Variants in CALN1 observed in about 807,000 individuals in gnomAD.
CALN1 encodes the protein calneuron 1.
A neutral mutation model predicts 30.6 loss-of-function variants in CALN1; 17 were observed. That is an observed-to-expected ratio of 0.56 (90% CI 0.38 to 0.83). CALN1 has a LOEUF of 0.83. Among genes scored for constraint, CALN1 ranks in the 40% least tolerant of loss-of-function variants. CALN1 has a pLI of 0.00. For synonymous variants in CALN1, 156 were observed against 131.4 expected, an observed-to-expected ratio of 1.19 and a Z score of -1.28; for missense variants, 291 against 354.9, an observed-to-expected ratio of 0.82 and a Z score of 1.45.
At chr7:72,173,698 T>C (rs1585091116) in intron 3 of CALN1, among the ~76,000 whole-genome samples, 1 of 152,294 alleles carries the variant, frequency 6.6e-6, no homozygotes, top group East Asian at 1.9e-4. Context: ...GTTTTGTTTG[T>C]TTGTTTTTAA....
At chr7:72,287,215 C>T (rs932568341) in intron 2 of CALN1, among the ~76,000 whole-genome samples, 1 of 152,078 alleles carries the variant, frequency 6.6e-6, no homozygotes, top group Non-Finnish European at 1.5e-5. Flanking sequence ...TCTTTCACTT[C>T]CCTCCCTCCA....
chr7:72,308,054 A>C (rs781225298), intron 2 of CALN1, among the ~76,000 whole-genome samples: 2 of 152,148 alleles, frequency 1.3e-5, no homozygotes, highest in African/African-American at 2.4e-5. Flanking sequence ...ATGTGTAATA[A>C]ACAAAACGAC....
intron 2 of CALN1, among the ~76,000 whole-genome samples, chr7:72,326,670 A>G (rs1343845847): frequency 6.6e-6 from 1 of 152,252 alleles, no homozygotes; most frequent in Non-Finnish European, 1.5e-5. Flanking sequence ...CAAACAGATT[A>G]CAATTTGCAG....
Position 71,789,485 on chromosome 7 carries a change from G to A in CALN1, c.659-1583C>T, listed in dbSNP as rs79669531. Among the ~76,000 whole-genome samples the A allele has an allele frequency of 3.4e-3, 510 of 152,184 alleles. 4 individuals carry two copies. Among genetic ancestry groups the A allele is most frequent in the African/African-American group, 0.012 (484 of 41,536 alleles). On this transcript the variant is annotated intron_variant, in intron 6 of 6. Coordinates refer to ENST00000395275, the MANE Select transcript of CALN1 (RefSeq NM_031468.4). ...CTGCATCAGAGGCTCTGGGAGTGGG[G>A]GTCCCCATCTGTGTTTAACAAGCCC...
chr7:72,363,907 G>T (rs1803717611), intron 2 of CALN1, among the ~76,000 whole-genome samples: 1 of 151,426 alleles, frequency 6.6e-6, no homozygotes, highest in East Asian at 2.0e-4. Context: ...GCTAATTTTT[G>T]TATTTTCAGT....
chr7:72,054,548 T>TATATATATAC lies in CALN1; in HGVS notation c.389-30780_389-30779insGTATATATAT, dbSNP rs1803123579. 1.3e-4 allele frequency among the ~76,000 whole-genome samples: 18 copies of TATATATATAC among 134,228 alleles called. No homozygotes were observed. The South Asian group carries it at 2.6e-3, about 19-fold the overall frequency. The allele number at this position is 134,228 out of a possible 152,430, so 88.1% of individuals were successfully genotyped here. A position where few individuals can be genotyped will look rare whatever the true frequency, so the allele number is the denominator to read the frequency against. ...ATATACATACATATATATATACATA[T>TATATATATAC]ATATATATATATAATGGAATACTAT... On this transcript the variant is annotated intron_variant, in intron 4 of 6. Coordinates refer to ENST00000395275, the MANE Select transcript of CALN1 (RefSeq NM_031468.4).
chr7:71,895,147 GT>G, intron 5 of CALN1, among the ~76,000 whole-genome samples: 1 of 152,158 alleles, frequency 6.6e-6, no homozygotes, highest in African/African-American at 2.4e-5. Flanking sequence ...TACAGACGAG[GT>G]TTTCCTATGT....
the CALN1 span, among the ~76,000 whole-genome samples, chr7:72,455,476 T>C: frequency 6.6e-6 from 1 of 151,868 alleles, no homozygotes; most frequent in South Asian, 2.1e-4. Flanking sequence ...TCATACCCCA[T>C]AGCCTATGAC....
At chr7:72,194,830 T>C (rs1790878185) in intron 3 of CALN1, among the ~76,000 whole-genome samples, 1 of 152,000 alleles carries the variant, frequency 6.6e-6, no homozygotes, top group Non-Finnish European at 1.5e-5. Context: ...GACCTCATGA[T>C]CCATCTGTCT....
chr7:72,442,522 T>C (rs1808380948), intron 1 of CALN1, among the ~76,000 whole-genome samples: 1 of 152,196 alleles, frequency 6.6e-6, no homozygotes, highest in South Asian at 2.1e-4. Context: ...GATTGCACTT[T>C]ATGTAGGGTT....
At chr7:72,091,881 C>T (rs1805889062) in intron 4 of CALN1, among the ~76,000 whole-genome samples, 3 of 152,162 alleles carry the variant, frequency 2.0e-5, no homozygotes, top group Admixed American at 2.0e-4. Context: ...TGGTGTACGG[C>T]CAAATATAAC....
the CALN1 span, among the ~76,000 whole-genome samples, chr7:72,488,758 A>C: frequency 1.3e-5 from 2 of 151,960 alleles, no homozygotes; most frequent in African/African-American, 4.8e-5. Flanking sequence ...ATCATAACTC[A>C]CTGCAGCTTT....
chr7:72,229,933 G>T (rs1386715900), intron 3 of CALN1, among the ~76,000 whole-genome samples: 1 of 151,908 alleles, frequency 6.6e-6, no homozygotes, highest in African/African-American at 2.4e-5. Context: ...ATGAGGTCAG[G>T]AGATCGAGAC....
chr7:72,353,636 T>C (rs1215060899), intron 2 of CALN1, among the ~76,000 whole-genome samples: 1 of 152,142 alleles, frequency 6.6e-6, no homozygotes, highest in East Asian at 1.9e-4. Context: ...GGTTAAAAAC[T>C]GAATGCTTTC....
At chr7:72,209,950 A>C (rs1050701429) in intron 3 of CALN1, among the ~76,000 whole-genome samples, 1 of 152,158 alleles carries the variant, frequency 6.6e-6, no homozygotes, top group African/African-American at 2.4e-5. Flanking sequence ...TACTTCAATC[A>C]AAAGTTCTAG....
chr7:71,799,347 G>A (rs960559832), intron 6 of CALN1, among the ~76,000 whole-genome samples: 5 of 152,068 alleles, frequency 3.3e-5, no homozygotes, highest in Admixed American at 6.6e-5. Flanking sequence ...AGCCAGGCTC[G>A]TCCTGGGTGC....
intron 2 of CALN1, among the ~76,000 whole-genome samples, chr7:72,299,673 TA>T (rs1231709312): frequency 6.8e-6 from 1 of 147,272 alleles, no homozygotes; most frequent in Non-Finnish European, 1.5e-5. Flanking sequence ...TACAATTTTT[TA>T]AAAGATGCTC....
At chr7:71,886,138 T>C (rs1792888138) in intron 5 of CALN1, among the ~76,000 whole-genome samples, 1 of 152,192 alleles carries the variant, frequency 6.6e-6, no homozygotes, top group Non-Finnish European at 1.5e-5. Context: ...CAAAAGACAG[T>C]TGTAAGTTTT....
chr7:72,292,166 C>T (rs1420145081), intron 2 of CALN1, among the ~76,000 whole-genome samples: 1 of 151,984 alleles, frequency 6.6e-6, no homozygotes, highest in Non-Finnish European at 1.5e-5. Context: ...TACTCTTGCA[C>T]CAACCCAATA....
Sources: gnomAD v4.1 joint callset for allele counts (sites outside exome capture counted in the v4.1 genomes callset) on GRCh38, gnomAD v4.1.1 for gene constraint, MANE v1.5 for transcripts, NCBI Gene and HGNC (gene_info 2026-07-23, HGNC 2026-07-21) for gene names.